MTRF1: variants seen among roughly 807,000 people sequenced by gnomAD.
MTRF1 encodes the protein mitochondrial translation release factor 1, also known as peptide chain release factor 1, mitochondrial.
MTRF1 carries 51 observed loss-of-function variants against 62.9 expected under a neutral mutation model. The observed-to-expected ratio is 0.81, with a 90% CI of 0.65 to 1.02. MTRF1 has a LOEUF of 1.02. MTRF1 is among the 50% of genes least tolerant of loss of function. MTRF1 has a pLI of 0.00. For missense variants in MTRF1, 446 were observed against 530.0 expected (o/e 0.84, Z 1.56); for synonymous variants, 158 against 181.9 (o/e 0.87, Z 1.06).
intron 5 of MTRF1, among the ~76,000 whole-genome samples, chr13:41,248,420 C>A (rs999772610): frequency 1.3e-5 from 2 of 152,246 alleles, no homozygotes; most frequent in Admixed American, 6.5e-5. Context: ...CTACGCCCAG[C>A]CTCTGCTTTC....
chr13:41,286,820 T>C, the MTRF1 span, among the ~76,000 whole-genome samples: 1 of 152,256 alleles, frequency 6.6e-6, no homozygotes, highest in Non-Finnish European at 1.5e-5. Flanking sequence ...TCCAAAGAGC[T>C]GAGTTTGTTA....
chr13:41,248,900 C>T lies in MTRF1; in HGVS notation c.697+3745G>A, dbSNP rs1226118653. 3.9e-5 allele frequency among the ~76,000 whole-genome samples: 6 copies of T among 152,220 alleles called. No homozygotes were observed. The South Asian group carries it at 1.2e-3, about 32-fold the overall frequency. On this transcript the variant is annotated intron_variant, in intron 5 of 9. Transcript: ENST00000379480. The stretch of plus-strand genomic sequence containing the variant: ...CAGACTTACACTACATATCTAGAGC[C>T]ATTACCCTCCACTGCTTCCATAGAC...
chr13:41,303,080 CTTAT>C, the MTRF1 span, among the ~76,000 whole-genome samples: 15 of 151,788 alleles, frequency 9.9e-5, no homozygotes, highest in African/African-American at 1.5e-4. Context: ...AAGAGCCTTT[CTTAT>C]TTATTTATTT....
chr13:41,303,135 T>G, the MTRF1 span, among the ~76,000 whole-genome samples: 1 of 152,142 alleles, frequency 6.6e-6, no homozygotes, highest in Admixed American at 6.5e-5. Context: ...GTATATATAT[T>G]TGATGCTAAC....
intron 5 of MTRF1, among the ~76,000 whole-genome samples, chr13:41,249,298 T>C (rs945568711): frequency 3.3e-5 from 5 of 152,148 alleles, no homozygotes; most frequent in Admixed American, 1.3e-4. Flanking sequence ...TCCCAGTACT[T>C]TGGGAGGCCG....
At chr13:41,220,126 G>C (rs1027773448) in intron 9 of MTRF1, among the ~76,000 whole-genome samples, 1 of 151,172 alleles carries the variant, frequency 6.6e-6, no homozygotes, top group Non-Finnish European at 1.5e-5. Flanking sequence ...CCAGGAGTTC[G>C]AGACTAGCCT....
At position 41,240,175 on chromosome 13, in the gene MTRF1, A is replaced by AG. The variant is rs1330326074; in HGVS notation, c.870+85_870+86insC. The AG allele has an allele frequency of 3.6e-6, 5 of 1,384,712 alleles. No individual in the cohort carries two copies. In the African/African-American group the frequency reaches 7.3e-5, roughly 20 times the overall value. 85.8% of individuals were successfully genotyped at this position (1,384,712 alleles called of 1,614,324 possible). ...GAGACTCTGTCTCAAAAAAAAAAAA[A>AG]AGGACAGATTTTCCTAGAAGCTAAG... On this transcript the variant is annotated intron_variant, in intron 6 of 9. Coordinates refer to ENST00000379480, the MANE Select transcript of MTRF1 (RefSeq NM_004294.4).
chr13:41,298,587 T>G, the MTRF1 span, among the ~76,000 whole-genome samples: 3 of 152,266 alleles, frequency 2.0e-5, no homozygotes, highest in African/African-American at 7.2e-5. Flanking sequence ...GCCTTTGCTA[T>G]CTAATCTTTG....
upstream of MTRF1, among the ~76,000 whole-genome samples, chr13:41,266,868 G>A (rs1170588537): frequency 2.0e-5 from 3 of 151,806 alleles, no homozygotes; most frequent in Admixed American, 6.6e-5. Flanking sequence ...GGTGGCAGGC[G>A]CCTGTAGTCC....
chr13:41,246,587 A>G (rs934214617), intron 5 of MTRF1, among the ~76,000 whole-genome samples: 4 of 152,216 alleles, frequency 2.6e-5, no homozygotes, highest in African/African-American at 9.6e-5. Context: ...CTGGATAATA[A>G]TCTTCATACC....
At chr13:41,261,031 C>T (rs2040391143) in intron 1 of MTRF1, 116 bp from the exon 2 acceptor site, 1 of 1,016,740 alleles carries the variant, frequency 9.8e-7, no homozygotes, top group South Asian at 1.8e-5. Context: ...GCCAGCTCCA[C>T]AGTCTTAAAA....
chr13:41,276,294 C>T, the MTRF1 span, among the ~76,000 whole-genome samples: 1 of 152,006 alleles, frequency 6.6e-6, no homozygotes, highest in Non-Finnish European at 1.5e-5. Context: ...GCCTCAGTCT[C>T]CCGAGTAGCT....
At chr13:41,300,142 C>T in the MTRF1 span, among the ~76,000 whole-genome samples, 1 of 152,160 alleles carries the variant, frequency 6.6e-6, no homozygotes, top group South Asian at 2.1e-4. Flanking sequence ...ACCAAAATGT[C>T]AACCTTAAGA....
chr13:41,307,638 A>C, the MTRF1 span, among the ~76,000 whole-genome samples: 5 of 150,366 alleles, frequency 3.3e-5, no homozygotes, highest in African/African-American at 1.2e-4. Context: ...AGTGTGTAGC[A>C]CCTCCTCTTT....
chr13:41,310,713 T>C, the MTRF1 span, among the ~76,000 whole-genome samples: 1 of 152,050 alleles, frequency 6.6e-6, no homozygotes, highest in Non-Finnish European at 1.5e-5. Flanking sequence ...TAAATGTTTG[T>C]TTGGTTTGCC....
the MTRF1 span, among the ~76,000 whole-genome samples, chr13:41,307,189 C>A: frequency 1.3e-5 from 2 of 151,908 alleles, no homozygotes; most frequent in African/African-American, 2.4e-5. Flanking sequence ...GGATTTGTGC[C>A]CCCCCCACCC....
intron 9 of MTRF1, among the ~76,000 whole-genome samples, chr13:41,218,277 G>C (rs1262710478): frequency 2.1e-5 from 3 of 142,710 alleles, no homozygotes; most frequent in African/African-American, 8.0e-5. Context: ...TACACACCCA[G>C]CTAATTTTTT....
intron 5 of MTRF1, among the ~76,000 whole-genome samples, chr13:41,243,080 G>A (rs189182079): frequency 3.5e-4 from 54 of 152,142 alleles, no homozygotes; most frequent in African/African-American, 1.2e-3. Flanking sequence ...TTAGCTGGGC[G>A]TGGTGGCGCG....
intron 2 of MTRF1, chr13:41,257,528 C>A (rs2039887291): frequency 5.4e-6 from 1 of 186,560 alleles, no homozygotes; most frequent in African/African-American, 2.3e-5. Flanking sequence ...TCTCCCCTCG[C>A]TGGCTGAGTG....
Sources: gnomAD v4.1 joint callset for allele counts (sites outside exome capture counted in the v4.1 genomes callset) on GRCh38, gnomAD v4.1.1 for gene constraint, MANE v1.5 for transcripts, NCBI Gene and HGNC (gene_info 2026-07-23, HGNC 2026-07-21) for gene names.